Variants in MACF1 observed in about 807,000 individuals in gnomAD.
The protein encoded by MACF1 is microtubule actin crosslinking factor 1.
In MACF1, 193 loss-of-function variants were observed where a neutral mutation model predicts 854.8. That is an observed-to-expected ratio of 0.23 (90% CI 0.20 to 0.25). The LOEUF is 0.25. Among genes scored for constraint, MACF1 ranks in the 10% least tolerant of loss-of-function variants. The pLI, the probability that MACF1 is intolerant of heterozygous loss-of-function variation, is 1.00. For synonymous variants in MACF1, 3,185 were observed against 3,226.7 expected, an observed-to-expected ratio of 0.99 and a Z score of 0.44; for missense variants, 7,722 against 8,929.1, an observed-to-expected ratio of 0.86 and a Z score of 5.45.
intron 79 of MACF1, 35 bp downstream of exon 79, chr1:39,443,609 C>T (rs1644162545): frequency 1.3e-6 from 2 of 1,569,954 alleles, no homozygotes; most frequent in East Asian, 4.5e-5. Flanking sequence ...GCATAAGCAT[C>T]CCATATTCAC....
chr1:39,426,824 TTTTG>T (rs1643745303), intron 61 of MACF1, among the ~76,000 whole-genome samples: 2 of 152,170 alleles, frequency 1.3e-5, no homozygotes, highest in East Asian at 1.9e-4. Context: ...GCGTGAGGTT[TTTTG>T]TTTGTTTCTT....
At chr1:39,240,101 G>A (rs753498116) in intron 2 of MACF1, among the ~76,000 whole-genome samples, 1 of 152,106 alleles carries the variant, frequency 6.6e-6, no homozygotes, top group Non-Finnish European at 1.5e-5. Flanking sequence ...TGAATATGGG[G>A]TAGCACTGAT....
rs1641871261 is a variant in MACF1 at position 39,388,133 on chromosome 1, G to A, written c.15291G>A (p.Gln5097=). Reference sequence around the variant, plus strand: ...TTCTCCACCAAGCTGAGGTCGCCCAGCAAGAGTTCCTCGAAGTTAAGCAAA... The same window carrying A: ...TTCTCCACCAAGCTGAGGTCGCCCAACAAGAGTTCCTCGAAGTTAAGCAAA... ...SQLLHQAEVA[Q]QEFLEVKQRV... The change falls in exon 58 of 101, where the codon CAG becomes CAA. Residue 5097 remains glutamine (Q), a synonymous_variant. Coordinates refer to ENST00000564288, the MANE Select transcript of MACF1 (RefSeq NM_001394062.1). The A allele has an allele frequency of 1.2e-6, 2 of 1,614,016 alleles. No homozygotes were observed. The highest frequency in any genetic ancestry group is 2.2e-5 in the South Asian group (2 of 91,082).
chr1:39,211,802 A>C (rs889549935), intron 1 of MACF1, among the ~76,000 whole-genome samples: 1 of 151,668 alleles, frequency 6.6e-6, no homozygotes, highest in African/African-American at 2.4e-5. Flanking sequence ...AATCGCTTGA[A>C]CCCGAGAGGC....
rs143130030 is a variant in MACF1, at chr1:39,240,562, G to A, written c.171+9319G>A. 7.5e-3 allele frequency among the ~76,000 whole-genome samples: 1,148 copies of A among 152,272 alleles called. 10 individuals carry two copies. The highest frequency in any genetic ancestry group is 0.017 in the Middle Eastern group (5 of 292). On this transcript the variant is annotated intron_variant, in intron 2 of 100. Coordinates refer to ENST00000564288, the MANE Select transcript of MACF1 (RefSeq NM_001394062.1). ...TGCCCAGGCTGGCATGCAATGGTGC[G>A]ATCTTGGCTCACTGCAGCCTCCGCC...
intron 6 of MACF1, among the ~76,000 whole-genome samples, chr1:39,280,256 C>T (rs1337614284): frequency 6.6e-6 from 1 of 152,028 alleles, no homozygotes; most frequent in Non-Finnish European, 1.5e-5. Flanking sequence ...TTATTTCATT[C>T]ATAAACCAAG....
rs710915 is a variant in MACF1 at position 39,487,073 on chromosome 1, G to A, written c.*1279G>A. The A allele has an allele frequency of 0.089, 13,614 of 152,372 alleles. 1,098 individuals are homozygous for A. Among genetic ancestry groups the A allele is most frequent in the East Asian group, 0.33 (1,704 of 5,178 alleles). 9.4% of individuals were successfully genotyped at this position (152,372 alleles called of 1,614,324 possible). A position where few individuals can be genotyped will look rare whatever the true frequency, so the allele number is the denominator to read the frequency against. On this transcript the variant is annotated 3_prime_UTR_variant, in exon 101 of 101. Transcript: ENST00000564288. Reference sequence around the variant, plus strand: ...ATAATCATGTTGTAGGTACTTAAATGCATTCCGCAAATCAAAATATCTTGA... The same window carrying A: ...ATAATCATGTTGTAGGTACTTAAATACATTCCGCAAATCAAAATATCTTGA...
intron 2 of MACF1, among the ~76,000 whole-genome samples, chr1:39,232,241 T>A (rs1208570104): frequency 1.3e-5 from 2 of 151,806 alleles, no homozygotes; most frequent in African/African-American, 2.4e-5. Flanking sequence ...GCAGTTAGAA[T>A]CTGAAAACAA....
chr1:39,295,964 C>A, intron 20 of MACF1, 82 bp downstream of exon 20: 2 of 1,225,168 alleles, frequency 1.6e-6, no homozygotes, highest in East Asian at 2.5e-5. Flanking sequence ...CGTTAGTGTG[C>A]TTTTGTTGTA....
At position 39,329,022 on chromosome 1, in the gene MACF1, A is replaced by G. The variant is rs545989828; in HGVS notation, c.4614+1669A>G. On this transcript the variant is annotated intron_variant, in intron 36 of 100. Coordinates refer to ENST00000564288, the MANE Select transcript of MACF1 (RefSeq NM_001394062.1). Reference sequence around the variant, plus strand: ...GTCTGTTCTGAATAGTCTTTCATGGATTTTCTAAAAGGAATTTTTAAGGTA... The same window carrying G: ...GTCTGTTCTGAATAGTCTTTCATGGGTTTTCTAAAAGGAATTTTTAAGGTA... Among the ~76,000 whole-genome samples the G allele has an allele frequency of 6.2e-4, 95 of 152,222 alleles. 2 individuals are homozygous for G. Among genetic ancestry groups the G allele is most frequent in the Non-Finnish European group, 1.0e-4 (7 of 68,000 alleles).
intron 6 of MACF1, among the ~76,000 whole-genome samples, chr1:39,273,494 A>T (rs1194812206): frequency 5.3e-5 from 8 of 152,208 alleles, no homozygotes; most frequent in Non-Finnish European, 1.0e-4. Context: ...TGTTTTACTA[A>T]TACTGGCTTT....
chr1:39,259,006 C>A (rs1040787126), intron 6 of MACF1, among the ~76,000 whole-genome samples: 7 of 152,254 alleles, frequency 4.6e-5, no homozygotes, highest in Non-Finnish European at 8.8e-5. Context: ...CACAGGGTAT[C>A]CTCAGGCAAG....
chr1:39,307,438 T>C (rs964028160), intron 23 of MACF1, among the ~76,000 whole-genome samples: 3 of 152,212 alleles, frequency 2.0e-5, no homozygotes, highest in African/African-American at 4.8e-5. Context: ...TCTCTGCAAG[T>C]GTTTAAGTGC....
chr1:39,318,363 T>C, intron 29 of MACF1, 90 bp from the exon 30 acceptor site: 1 of 1,205,108 alleles, frequency 8.3e-7, no homozygotes, highest in Non-Finnish European at 1.2e-6. Context: ...CAAGCCCAGC[T>C]GGATACATGG....
chr1:39,388,872 C>CTTTTTTTTTTTTT (rs548104092), intron 58 of MACF1, among the ~76,000 whole-genome samples: 21 of 87,240 alleles, frequency 2.4e-4, no homozygotes, highest in South Asian at 4.2e-4. Context: ...TCTTCTTCTT[C>CTTTTTTTTTTTTT]TTTTTTTTTT....
chr1:39,341,277 G>A (rs1204353649), intron 40 of MACF1, among the ~76,000 whole-genome samples: 4 of 151,072 alleles, frequency 2.6e-5, no homozygotes, highest in African/African-American at 7.3e-5. Context: ...CAGGTGATCC[G>A]CCCACCTCGG....
At chr1:39,139,568 C>CT (rs201522855) in intron 2 of MACF1, among the ~76,000 whole-genome samples, 115 of 149,274 alleles carry the variant, frequency 7.7e-4, no homozygotes, top group African/African-American at 2.2e-3. Context: ...GTGCTTTCTG[C>CT]TTTTTTTTTT....
intron 2 of MACF1, among the ~76,000 whole-genome samples, chr1:39,244,481 C>T (rs889756453): frequency 6.6e-6 from 1 of 151,878 alleles, no homozygotes; most frequent in Non-Finnish European, 1.5e-5. Context: ...CGGGATTTCA[C>T]TATGTTGGCC....
At chr1:39,359,310 T>C (rs1444638971) in intron 47 of MACF1, 46 bp downstream of exon 47, 1 of 1,599,980 alleles carries the variant, frequency 6.3e-7, no homozygotes. Context: ...ATTCCTAGTA[T>C]GTACCTCTAT....
Sources: gnomAD v4.1 joint callset for allele counts (sites outside exome capture counted in the v4.1 genomes callset) on GRCh38, gnomAD v4.1.1 for gene constraint, MANE v1.5 for transcripts, NCBI Gene and HGNC (gene_info 2026-07-23, HGNC 2026-07-21) for gene names.